The following USP45 variants were observed in gnomAD, a reference collection of about 807,000 sequenced individuals.
The protein encoded by USP45 is ubiquitin carboxyl-terminal hydrolase 45.
USP45 carries 89 observed loss-of-function variants against 95.8 expected under a neutral mutation model. The ratio of observed to expected loss-of-function variants is 0.93; its 90% CI spans 0.78 to 1.11. USP45 has a LOEUF of 1.11. Ranked by LOEUF, USP45 falls within the 50% of genes least tolerant of loss-of-function variation. USP45 has a pLI of 0.00. For synonymous variants in USP45, 281 were observed against 316.2 expected (o/e 0.89, Z 1.18); for missense variants, 898 against 942.5 (o/e 0.95, Z 0.62).
chr6:99,484,025 T>TTTTA (rs1427246582), intron 7 of USP45, among the ~76,000 whole-genome samples: 5 of 145,640 alleles, frequency 3.4e-5, no homozygotes, highest in African/African-American at 1.3e-4. Context: ...TTTTTTTTTT[T>TTTTA]AAAGAGACAG....
chr6:99,477,269 G>A (rs1003174396), intron 8 of USP45, among the ~76,000 whole-genome samples: 5 of 152,124 alleles, frequency 3.3e-5, no homozygotes, highest in Non-Finnish European at 7.4e-5. Flanking sequence ...CAGGTCTTTT[G>A]ACAGAGTGCA....
intron 17 of USP45, among the ~76,000 whole-genome samples, chr6:99,436,751 C>G (rs566582048): frequency 3.3e-5 from 5 of 152,180 alleles, no homozygotes; most frequent in Admixed American, 1.3e-4. Flanking sequence ...TAGAAGGGTA[C>G]AGTCTTCATA....
chr6:99,511,442 C>T (rs544704654), intron 1 of USP45, among the ~76,000 whole-genome samples: 4 of 151,856 alleles, frequency 2.6e-5, no homozygotes, highest in South Asian at 2.1e-4. Context: ...CGTGAGCCAC[C>T]GTGCCCGGCT....
chr6:99,507,671 T>C (rs986544190), intron 3 of USP45, 140 bp from the exon 4 acceptor site: 54 of 597,536 alleles, frequency 9.0e-5, no homozygotes, highest in Non-Finnish European at 1.5e-4. Context: ...AAAAAAGTAA[T>C]ATGGATTCTC....
chr6:99,469,981 G>C (rs1009154445), intron 9 of USP45, among the ~76,000 whole-genome samples: 1 of 151,758 alleles, frequency 6.6e-6, no homozygotes, highest in Non-Finnish European at 1.5e-5. Context: ...TTTTGAATAA[G>C]GAAAAAAAGA....
intron 9 of USP45, among the ~76,000 whole-genome samples, chr6:99,473,799 C>T (rs889920606): frequency 2.0e-5 from 3 of 151,512 alleles, no homozygotes; most frequent in African/African-American, 7.3e-5. Context: ...CACACACACA[C>T]ACAAATTCAC....
intron 1 of USP45, among the ~76,000 whole-genome samples, chr6:99,511,843 G>A (rs9389446): frequency 0.18 from 827 of 4,694 alleles, 2 homozygotes; most frequent in South Asian, 0.4. Context: ...ATGTGAGTGT[G>A]TGTATATATA....
At position 99,488,271 on chromosome 6, in the gene USP45, T is replaced by G; in HGVS notation, c.643A>C (p.Thr215Pro). ...TCTTTGATCTCATTCATCAGATCAGTAAGAGTATAAGTCTGTGCCAAGTTC... is the reference window on the plus strand; with the variant it reads ...TCTTTGATCTCATTCATCAGATCAGGAAGAGTATAAGTCTGTGCCAAGTTC... ...MQNLAQTYTLTDLMNEIKESS... is the reference protein window; with the variant it reads ...MQNLAQTYTLPDLMNEIKESS... The change falls in exon 7 of 18, where the codon ACT becomes CCT. Residue 215 changes from threonine (T) to proline (P), a missense_variant. By Grantham distance (38) the Thr-to-Pro change is conservative. Transcript: ENST00000500704. 6.2e-7 allele frequency: 1 copy of G among 1,611,000 alleles called. No homozygotes were observed. The highest frequency in any genetic ancestry group is 2.2e-5 in the East Asian group (1 of 44,752).
intron 5 of USP45, among the ~76,000 whole-genome samples, chr6:99,493,626 G>A (rs1795670872): frequency 2.0e-5 from 3 of 151,908 alleles, no homozygotes. Context: ...GCCTCCTGAG[G>A]AGCTGGGATT....
intron 12 of USP45, 34 bp from the exon 13 acceptor site, chr6:99,464,781 CT>C: frequency 6.5e-7 from 1 of 1,539,928 alleles, no homozygotes. Flanking sequence ...ACCAAAACCT[CT>C]TTAGTAAATA....
intron 11 of USP45, 51 bp from the exon 12 acceptor site, chr6:99,465,187 TAC>T: frequency 6.8e-7 from 1 of 1,465,524 alleles, no homozygotes; most frequent in African/African-American, 1.4e-5. Flanking sequence ...AATATAAACA[TAC>T]AGTTTTGTAA....
intron 3 of USP45, 72 bp from the exon 4 acceptor site, chr6:99,507,603 T>C: frequency 2.9e-6 from 3 of 1,048,722 alleles, no homozygotes; most frequent in Non-Finnish European, 4.3e-6. Context: ...ACTTAAATTA[T>C]ACTCACACTT....
At chr6:99,510,318 T>A (rs1799505012) in intron 1 of USP45, 88 bp from the exon 2 acceptor site, 2 of 826,922 alleles carry the variant, frequency 2.4e-6, no homozygotes, top group Non-Finnish European at 3.8e-6. Context: ...AAAACTGAAA[T>A]GACTTCAATT....
intron 9 of USP45, among the ~76,000 whole-genome samples, chr6:99,469,916 GA>G (rs1302603694): frequency 6.6e-6 from 1 of 151,956 alleles, no homozygotes; most frequent in Non-Finnish European, 1.5e-5. Context: ...AGATCACTAT[GA>G]TATATTAAGT....
rs558329731 is a variant in USP45 at position 99,435,936 on chromosome 6, T to C, written c.2315-90A>G. ...AAACAATAACATATTCATTACAAAC[T>C]CTATCTAATGCCAAATTTTACCTGA... On this transcript the variant is annotated intron_variant, in intron 17 of 17. Transcript: ENST00000500704. 4.8e-5 allele frequency: 64 copies of C among 1,325,228 alleles called. No homozygotes were observed. In the East Asian group the frequency reaches 1.6e-3, roughly 33 times the overall value. The allele number at this position is 1,325,228 out of a possible 1,614,324, so 82.1% of individuals were successfully genotyped here.
chr6:99,504,386 C>T (rs144576113), intron 4 of USP45, among the ~76,000 whole-genome samples: 12 of 152,230 alleles, frequency 7.9e-5, no homozygotes, highest in East Asian at 3.9e-4. Flanking sequence ...GTGATCCACC[C>T]GCCTCGGCCT....
At chr6:99,502,291 T>A (rs1036147613) in intron 5 of USP45, among the ~76,000 whole-genome samples, 2 of 152,182 alleles carry the variant, frequency 1.3e-5, no homozygotes, top group Non-Finnish European at 2.9e-5. Context: ...GCCCTATGCA[T>A]CTCTTCCTTT....
At chr6:99,506,102 T>A (rs758881870) in intron 4 of USP45, among the ~76,000 whole-genome samples, 22 of 152,226 alleles carry the variant, frequency 1.4e-4, no homozygotes, top group Non-Finnish European at 2.6e-4. Context: ...TTAAAGATGA[T>A]GACCTCTTCT....
At chr6:99,510,825 T>G (rs1199269609) in intron 1 of USP45, among the ~76,000 whole-genome samples, 1 of 152,176 alleles carries the variant, frequency 6.6e-6, no homozygotes, top group Admixed American at 6.5e-5. Context: ...GATGTCCAGG[T>G]GAATGACCAA....
Sources: allele counts gnomAD v4.1 joint callset (sites outside exome capture counted in the v4.1 genomes callset), GRCh38; gene constraint gnomAD v4.1.1; transcripts MANE v1.5; gene names NCBI Gene and HGNC (gene_info 2026-07-23, HGNC 2026-07-21).